Variants in MSRA observed in about 807,000 individuals in gnomAD.
The protein encoded by MSRA is mitochondrial peptide methionine sulfoxide reductase.
Under a neutral mutation model 31.3 loss-of-function variants are expected in MSRA, and 54 were observed. The observed-to-expected ratio is 1.73, with a 90% CI of 1.39 to 2.17. The LOEUF (loss-of-function observed/expected upper bound fraction) is 2.17, where lower values mean the gene tolerates loss of function less well. MSRA is among the 30% of genes most tolerant of loss of function. MSRA has a pLI of 0.00. For missense variants in MSRA, 507 were observed against 300.9 expected (o/e 1.69, Z -5.07); for synonymous variants, 169 against 116.5 (o/e 1.45, Z -2.90).
intron 5 of MSRA, among the ~76,000 whole-genome samples, chr8:10,358,827 C>T (rs1019890588): frequency 6.7e-5 from 10 of 148,432 alleles, no homozygotes; most frequent in African/African-American, 2.3e-4. Context: ...CTCCTGACCT[C>T]GTGATCCGCC....
chr8:10,245,100 T>A lies in MSRA; in HGVS notation c.212-4T>A, dbSNP rs191923908. The A allele has an allele frequency of 1.7e-5, 28 of 1,609,696 alleles. No homozygotes were observed. In the East Asian group the frequency reaches 3.3e-4, roughly 19 times the overall value. On this transcript the variant is annotated splice_polypyrimidine_tract_variant and splice_region_variant and intron_variant, in intron 2 of 5. Coordinates refer to ENST00000317173, the MANE Select transcript of MSRA (RefSeq NM_012331.5). ...TCCTTTTTTTTTCTTTTTTCTTTTT[T>A]AAGGAATGGGATGTTTCTGGGGAGC...
rs769720226 is a variant in MSRA at position 10,054,593 on chromosome 8, C to G, written c.77C>G (p.Ser26Trp). The G allele has an allele frequency of 7.6e-6, 12 of 1,581,098 alleles. No homozygotes were observed. The highest frequency in any genetic ancestry group is 9.4e-6 in the Non-Finnish European group (11 of 1,164,320). The change falls in exon 1 of 6, where the codon TCG (serine) becomes TGG (tryptophan). Residue 26 changes from serine to tryptophan, a missense_variant. Physicochemically the swap from Ser to Trp is radical, Grantham distance 177 (BLOSUM62 -3). Transcript: ENST00000317173. ...SLFPVPRMGN[S>W]ASNIVSPQEA... Reference sequence around the variant, plus strand: ...TTTCCCGTCCCGAGGATGGGCAACTCGGCCTCGAACATCGTCAGCCCCCAG... The same window carrying G: ...TTTCCCGTCCCGAGGATGGGCAACTGGGCCTCGAACATCGTCAGCCCCCAG...
At chr8:10,258,255 C>T (rs1798287066) in intron 3 of MSRA, among the ~76,000 whole-genome samples, 1 of 151,982 alleles carries the variant, frequency 6.6e-6, no homozygotes, top group African/African-American at 2.4e-5. Context: ...TGCTGTGTCT[C>T]TCTCAAAGAG....
At chr8:10,126,197 C>T (rs1801483568) in intron 1 of MSRA, among the ~76,000 whole-genome samples, 1 of 152,182 alleles carries the variant, frequency 6.6e-6, no homozygotes, top group African/African-American at 2.4e-5. Flanking sequence ...TATCTTAGGT[C>T]ACAGTTGTTG....
At chr8:10,057,073 G>A (rs1030450783) in intron 1 of MSRA, among the ~76,000 whole-genome samples, 4 of 152,176 alleles carry the variant, frequency 2.6e-5, no homozygotes, top group Admixed American at 1.3e-4. Context: ...CACCTTGCAA[G>A]AAGGAAAGAG....
At chr8:10,261,531 T>A (rs1208740559) in intron 3 of MSRA, among the ~76,000 whole-genome samples, 1 of 152,118 alleles carries the variant, frequency 6.6e-6, no homozygotes, top group Non-Finnish European at 1.5e-5. Context: ...CATTCGTTTC[T>A]ACAAAACCTT....
At chr8:10,155,380 C>T (rs1444461352) in intron 1 of MSRA, among the ~76,000 whole-genome samples, 2 of 152,176 alleles carry the variant, frequency 1.3e-5, no homozygotes, top group Non-Finnish European at 2.9e-5. Flanking sequence ...TGTTAAAATA[C>T]ACCCACGCTC....
At chr8:10,154,383 C>G (rs200018392) in intron 1 of MSRA, among the ~76,000 whole-genome samples, 1 of 151,016 alleles carries the variant, frequency 6.6e-6, no homozygotes, top group African/African-American at 2.4e-5. Context: ...TCTTTTCTTT[C>G]TTTCTTTTTT....
At chr8:10,116,298 T>C (rs914795065) in intron 1 of MSRA, among the ~76,000 whole-genome samples, 12 of 152,338 alleles carry the variant, frequency 7.9e-5, no homozygotes, top group Middle Eastern at 3.4e-3. Flanking sequence ...TTAGTGTATT[T>C]TATATGTGGC....
chr8:10,265,318 C>T (rs1305360842), intron 3 of MSRA, among the ~76,000 whole-genome samples: 1 of 152,074 alleles, frequency 6.6e-6, no homozygotes, highest in Non-Finnish European at 1.5e-5. Context: ...CTTGGAAGAT[C>T]CTGGGGGGAG....
intron 1 of MSRA, among the ~76,000 whole-genome samples, chr8:10,138,378 A>G (rs569006468): frequency 1.3e-4 from 20 of 152,302 alleles, no homozygotes; most frequent in Non-Finnish European, 2.5e-4. Context: ...GAAGGAGAAG[A>G]AAGGGAGGCC....
chr8:10,344,846 T>G (rs1388426354), intron 5 of MSRA, among the ~76,000 whole-genome samples: 1 of 152,174 alleles, frequency 6.6e-6, no homozygotes, highest in Non-Finnish European at 1.5e-5. Context: ...TCTTCCTTAG[T>G]GTGTCAGGTG....
At chr8:10,137,639 T>C (rs1802381586) in intron 1 of MSRA, among the ~76,000 whole-genome samples, 1 of 152,164 alleles carries the variant, frequency 6.6e-6, no homozygotes, top group Admixed American at 6.5e-5. Context: ...TTCAAACTTG[T>C]CTAAAGTGGG....
At chr8:10,240,739 T>A (rs1415933335) in intron 2 of MSRA, among the ~76,000 whole-genome samples, 2 of 152,126 alleles carry the variant, frequency 1.3e-5, no homozygotes, top group African/African-American at 4.8e-5. Context: ...CTTACCCCTG[T>A]CTTTCCTGGC....
At chr8:10,077,168 G>C (rs2128921264) in intron 1 of MSRA, among the ~76,000 whole-genome samples, 1 of 152,280 alleles carries the variant, frequency 6.6e-6, no homozygotes, top group East Asian at 1.9e-4. Context: ...AGAAATGGAT[G>C]GTCGGCCACA....
At chr8:10,182,920 G>T (rs1044022759) in intron 1 of MSRA, among the ~76,000 whole-genome samples, 5 of 152,210 alleles carry the variant, frequency 3.3e-5, no homozygotes, top group African/African-American at 1.2e-4. Flanking sequence ...AGTGTATCCA[G>T]CTGAAATCCT....
chr8:10,078,731 A>G (rs531461692), intron 1 of MSRA, among the ~76,000 whole-genome samples: 68 of 152,354 alleles, frequency 4.5e-4, no homozygotes, highest in African/African-American at 1.6e-3. Context: ...TGCCCTTCCC[A>G]TGGCTTCAGT....
intron 5 of MSRA, among the ~76,000 whole-genome samples, chr8:10,419,334 C>T (rs1808674110): frequency 6.6e-6 from 1 of 151,410 alleles, no homozygotes; most frequent in African/African-American, 2.4e-5. Flanking sequence ...CCGGACCTAC[C>T]CCTCACCCTT....
rs374249830 is a variant in MSRA, at chr8:10,235,827, G to C, written c.212-9277G>C. On this transcript the variant is annotated intron_variant, in intron 2 of 5. Transcript: ENST00000317173. ...AATTTTCTGAGGCCAGTATAACCTT[G>C]ATACCAATTCTGGACAAGGACATTA... is the stretch of plus-strand genomic sequence containing the variant. 3.3e-5 allele frequency among the ~76,000 whole-genome samples: 5 copies of C among 152,172 alleles called. No individual in the cohort carries two copies. The East Asian group carries it at 7.7e-4, about 23-fold the overall frequency.
Sources: allele counts gnomAD v4.1 joint callset (sites outside exome capture counted in the v4.1 genomes callset), GRCh38; gene constraint gnomAD v4.1.1; transcripts MANE v1.5; gene names NCBI Gene and HGNC (gene_info 2026-07-23, HGNC 2026-07-21).